Variants in BDH1 observed in about 807,000 individuals in gnomAD.
BDH1 encodes the protein 3-hydroxybutyrate dehydrogenase 1.
A neutral mutation model predicts 33.1 loss-of-function variants in BDH1; 30 were observed. The ratio of observed to expected loss-of-function variants is 0.91; its 90% CI spans 0.68 to 1.23. The LOEUF (loss-of-function observed/expected upper bound fraction) is 1.23, where lower values mean the gene tolerates loss of function less well. BDH1 is among the 50% of genes most tolerant of loss of function. The pLI, the probability that BDH1 is intolerant of heterozygous loss-of-function variation, is 0.00. For missense variants in BDH1, 443 were observed against 464.4 expected (o/e 0.95, Z 0.42); for synonymous variants, 190 against 183.6 (o/e 1.03, Z -0.28).
At chr3:197,567,349 G>A (rs1560349159) in intron 1 of BDH1, among the ~76,000 whole-genome samples, 1 of 152,134 alleles carries the variant, frequency 6.6e-6, no homozygotes, top group South Asian at 2.1e-4. Context: ...CCTGCCTCCC[G>A]TTCTGTTCAA....
In BDH1 at chr3:197,510,699, GT is replaced by G. The variant is rs1711922270; in HGVS notation, c.*1195del. The G allele has an allele frequency of 2.6e-5, 3 of 114,374 alleles. No homozygotes were observed. The highest frequency in any genetic ancestry group is 5.4e-5 in the Non-Finnish European group (3 of 55,928). 7.1% of individuals were successfully genotyped at this position (114,374 alleles called of 1,614,324 possible). On this transcript the variant is annotated 3_prime_UTR_variant, in exon 8 of 8. Coordinates refer to ENST00000392379, the MANE Select transcript of BDH1 (RefSeq NM_203314.3). The stretch of plus-strand genomic sequence containing the variant: ...ATGTGTGTAAGGTGTGTGTGTGTGT[GT>G]GTGTGTGTGTGTGTGTGTACATGTG...
upstream of BDH1, among the ~76,000 whole-genome samples, chr3:197,558,046 CAT>C (rs947858315): frequency 6.6e-6 from 1 of 152,200 alleles, no homozygotes; most frequent in Non-Finnish European, 1.5e-5. Flanking sequence ...AGGGAAAAAA[CAT>C]AGATCCTGAC....
chr3:197,571,314 G>A (rs935532623), intron 1 of BDH1, among the ~76,000 whole-genome samples: 1 of 152,176 alleles, frequency 6.6e-6, no homozygotes, highest in Non-Finnish European at 1.5e-5. Flanking sequence ...GCTGAAATGA[G>A]TGAAGACTTT....
chr3:197,521,520 C>T lies in BDH1; in HGVS notation c.409+1120G>A, dbSNP rs1392837009. Among the ~76,000 whole-genome samples, 5 of 152,236 alleles carry T rather than the reference C, an allele frequency of 3.3e-5. No homozygotes were observed. The highest frequency in any genetic ancestry group is 7.2e-5 in the African/African-American group (3 of 41,524). ...CTGCCTCTCCCCCTCCTCTGATCCC[C>T]GAACACTCACATTCCCAGGGGTCCC... On this transcript the variant is annotated intron_variant, in intron 6 of 7. Coordinates refer to ENST00000392379, the MANE Select transcript of BDH1 (RefSeq NM_203314.3). This position sits in a 1 kb window ranked among gnomAD's most constrained non-coding sequence, Gnocchi z 4.9.
Position 197,516,202 on chromosome 3 carries a change from TC to T in BDH1, c.410-1787del, listed in dbSNP as rs1159153048. Among the ~76,000 whole-genome samples, 1 of 152,210 alleles carries T rather than the reference TC, an allele frequency of 6.6e-6. No individual in the cohort carries two copies. Among genetic ancestry groups the T allele is most frequent in the African/African-American group, 2.4e-5 (1 of 41,456 alleles). ...AGTGGCCCCCAATGTCCTGGCCTAA[TC>T]CTGCTCCTCTCAAAGTACACTTAAC... On this transcript the variant is annotated intron_variant, in intron 6 of 7. Transcript: ENST00000392379. This position sits in a 1 kb window ranked among gnomAD's most constrained non-coding sequence, Gnocchi z 4.2.
rs968733840 is a variant in BDH1 at position 197,555,884 on chromosome 3, G to C, written c.-299C>G. ...CCGCTCTCCTGCGGGGAGAGCCGAG[G>C]GGGGGCGCTGCCGCAGGGTCTTTCT... On this transcript the variant is annotated 5_prime_UTR_variant, in exon 1 of 8. Transcript: ENST00000392379. 4 of 152,394 alleles carry C rather than the reference G, an allele frequency of 2.6e-5. No homozygotes were observed. Among genetic ancestry groups the C allele is most frequent in the Admixed American group, 6.5e-5 (1 of 15,312 alleles). 9.4% of individuals were successfully genotyped at this position (152,394 alleles called of 1,614,324 possible).
chr3:197,572,364 A>C (rs1717636701), intron 1 of BDH1, among the ~76,000 whole-genome samples: 1 of 152,248 alleles, frequency 6.6e-6, no homozygotes, highest in African/African-American at 2.4e-5. Context: ...GATTAGAAGA[A>C]GTTAATCACT....
At chr3:197,552,075 T>C (rs1238981539) in intron 2 of BDH1, among the ~76,000 whole-genome samples, 1 of 152,192 alleles carries the variant, frequency 6.6e-6, no homozygotes, top group East Asian at 1.9e-4. Flanking sequence ...CAACTGCGCA[T>C]CTAACATCTC....
chr3:197,521,561 G>A lies in BDH1; in HGVS notation c.409+1079C>T, dbSNP rs1410739643. Among the ~76,000 whole-genome samples the A allele has an allele frequency of 4.0e-5, 6 of 151,862 alleles. No homozygotes were observed. The highest frequency in any genetic ancestry group is 2.1e-4 in the South Asian group (1 of 4,800). ...CAGGGGTCCCTCTGTGCATCTCCCC[G>A]ACTCCCAGTGTCACCTGCCGTGGGC... On this transcript the variant is annotated intron_variant, in intron 6 of 7. Transcript: ENST00000392379. This position sits in a 1 kb window ranked among gnomAD's most constrained non-coding sequence, Gnocchi z 4.9.
In BDH1 at chr3:197,564,212, T is replaced by C. The variant is rs139692613; in HGVS notation, c.-44+8969A>G. Among the ~76,000 whole-genome samples, 720 of 152,026 alleles carry C rather than the reference T, an allele frequency of 4.7e-3. 19 individuals are homozygous for C. Among genetic ancestry groups the C allele is most frequent in the Admixed American group, 0.038 (582 of 15,272 alleles). ...GAATCTTGTATGGTAAATTTAGTCC[T>C]AGAGTAAAATGACTGGTTGCTTAAG... On this transcript the variant is annotated intron_variant, in intron 1 of 6. Coordinates refer to the BDH1 transcript ENST00000358186.
intron 2 of BDH1, among the ~76,000 whole-genome samples, chr3:197,547,354 T>C (rs1401197431): frequency 6.6e-6 from 1 of 152,222 alleles, no homozygotes; most frequent in Non-Finnish European, 1.5e-5. Flanking sequence ...TAGTCTGTCA[T>C]ACTGTTCCTG....
rs1278218333 is a variant in BDH1, at chr3:197,528,959, A to C, written c.267+3453T>G. On this transcript the variant is annotated intron_variant, in intron 5 of 7. Transcript: ENST00000392379. The surrounding 1 kb of genome is among the most constrained non-coding windows in gnomAD (Gnocchi z 5.1). Reference sequence around the variant, plus strand: ...TCCCTGTGTCACTGGATAAGCCAGCACAATGGCACAGAAGCCTAACATAGG... The same window carrying C: ...TCCCTGTGTCACTGGATAAGCCAGCCCAATGGCACAGAAGCCTAACATAGG... 1.3e-5 allele frequency: 2 copies of C among 152,264 alleles called. No homozygotes were observed. Among genetic ancestry groups the C allele is most frequent in the African/African-American group, 4.8e-5 (2 of 41,466 alleles). 9.4% of individuals were successfully genotyped at this position (152,264 alleles called of 1,614,324 possible).
intron 2 of BDH1, among the ~76,000 whole-genome samples, chr3:197,548,668 T>C (rs1331843726): frequency 6.6e-6 from 1 of 151,338 alleles, no homozygotes; most frequent in Non-Finnish European, 1.5e-5. Flanking sequence ...CTGGCTGACA[T>C]GGTGAAACCC....
At chr3:197,556,756 G>A (rs376477306), upstream of BDH1, among the ~76,000 whole-genome samples, 1 of 152,318 alleles carries the variant, frequency 6.6e-6, no homozygotes, top group South Asian at 2.1e-4. Context: ...ATAGAACAAC[G>A]GAGGGCCATC....
intron 1 of BDH1, among the ~76,000 whole-genome samples, chr3:197,562,229 T>C (rs568291940): frequency 5.9e-4 from 80 of 135,824 alleles, no homozygotes; most frequent in African/African-American, 2.3e-3. Context: ...TTTTCTTTTC[T>C]CTTCTCTCCT....
rs575256096 is a variant in BDH1 at position 197,521,442 on chromosome 3, C to T, written c.409+1198G>A. On this transcript the variant is annotated intron_variant, in intron 6 of 7. Coordinates refer to ENST00000392379, the MANE Select transcript of BDH1 (RefSeq NM_203314.3). The surrounding 1 kb of genome is among the most constrained non-coding windows in gnomAD (Gnocchi z 4.9). Reference sequence around the variant, plus strand: ...TTGGCTACTGGTACTGCCCTCTCCTCCAAACTTTCTGTTGTTTAGCCTCTG... The same window carrying T: ...TTGGCTACTGGTACTGCCCTCTCCTTCAAACTTTCTGTTGTTTAGCCTCTG... Among the ~76,000 whole-genome samples, 1 of 152,154 alleles carries T rather than the reference C, an allele frequency of 6.6e-6. No individual in the cohort carries two copies. The highest frequency in any genetic ancestry group is 2.4e-5 in the African/African-American group (1 of 41,418).
At chr3:197,550,196 T>G (rs899657884) in intron 2 of BDH1, among the ~76,000 whole-genome samples, 1 of 152,114 alleles carries the variant, frequency 6.6e-6, no homozygotes, top group African/African-American at 2.4e-5. Flanking sequence ...TCAAGTGATA[T>G]AGTAGACAGT....
At chr3:197,512,948 G>T (rs1170989966) in intron 7 of BDH1, among the ~76,000 whole-genome samples, 6 of 152,190 alleles carry the variant, frequency 3.9e-5, no homozygotes, top group African/African-American at 1.4e-4. Flanking sequence ...CCCCGGGACA[G>T]CCCTGAAAGA....
chr3:197,563,415 A>C (rs1473890903), intron 1 of BDH1, among the ~76,000 whole-genome samples: 2 of 152,254 alleles, frequency 1.3e-5, no homozygotes, highest in African/African-American at 4.8e-5. Context: ...GAGAGAAAAG[A>C]AGAATGAACA....
Sources: allele counts gnomAD v4.1 joint callset (sites outside exome capture counted in the v4.1 genomes callset), GRCh38; gene constraint gnomAD v4.1.1; non-coding constraint Gnocchi (gnomAD v3.1); transcripts MANE v1.5; gene names NCBI Gene and HGNC (gene_info 2026-07-23, HGNC 2026-07-21).